Variants in CDCA8 observed in about 807,000 individuals in gnomAD.
CDCA8 encodes cell division cycle associated 8, also known as borealin.
A neutral mutation model predicts 40.0 loss-of-function variants in CDCA8; 25 were observed. The ratio of observed to expected loss-of-function variants is 0.63; its 90% CI spans 0.46 to 0.87. CDCA8 has a LOEUF of 0.87. Ranked by LOEUF, CDCA8 falls within the 40% of genes least tolerant of loss-of-function variation. The probability of loss-of-function intolerance (pLI) is 0.00; values close to 1 mark genes in which losing one functional copy is unlikely to be tolerated. For synonymous variants in CDCA8, 111 were observed against 126.5 expected, an observed-to-expected ratio of 0.88 and a Z score of 0.82; for missense variants, 280 against 348.4, an observed-to-expected ratio of 0.80 and a Z score of 1.56.
chr1:37,706,638 C>T (rs1439238032), intron 8 of CDCA8, among the ~76,000 whole-genome samples: 1 of 152,192 alleles, frequency 6.6e-6, no homozygotes, highest in Non-Finnish European at 1.5e-5. Context: ...CTTTGTATAA[C>T]TTAAGGGATT....
intron 4 of CDCA8, among the ~76,000 whole-genome samples, chr1:37,699,723 TC>T (rs1645550927): frequency 6.6e-6 from 1 of 151,870 alleles, no homozygotes; most frequent in South Asian, 2.1e-4. Context: ...TTCGAGACCA[TC>T]CTGGCTAATA....
chr1:37,702,898 G>A (rs2148289270), intron 6 of CDCA8, among the ~76,000 whole-genome samples: 1 of 149,494 alleles, frequency 6.7e-6, no homozygotes, highest in South Asian at 2.1e-4. Flanking sequence ...GTTGCAGTGA[G>A]CCAAGATTAC....
At chr1:37,699,784 G>A (rs2148287824) in intron 4 of CDCA8, among the ~76,000 whole-genome samples, 1 of 152,224 alleles carries the variant, frequency 6.6e-6, no homozygotes, top group Non-Finnish European at 1.5e-5. Context: ...GCCGGGCGTG[G>A]TGGCGGGCGC....
intron 3 of CDCA8, among the ~76,000 whole-genome samples, chr1:37,697,667 G>A (rs10908369): frequency 0.15 from 22,981 of 152,298 alleles, 1,795 homozygotes; most frequent in Non-Finnish European, 0.17. Flanking sequence ...GCCTTTCTAT[G>A]TGTATCAGTC....
chr1:37,695,588 A>G (rs1229899295), intron 2 of CDCA8, among the ~76,000 whole-genome samples: 1 of 152,042 alleles, frequency 6.6e-6, no homozygotes, highest in East Asian at 1.9e-4. Context: ...TCAAAAATAA[A>G]TAAAATTTAA....
chr1:37,708,795 T>G lies in CDCA8; in HGVS notation c.*429T>G, dbSNP rs1645620270. On this transcript the variant is annotated 3_prime_UTR_variant, in exon 10 of 10. Coordinates refer to ENST00000373055, the MANE Select transcript of CDCA8 (RefSeq NM_001256875.2). Reference sequence around the variant, plus strand: ...ATCTGGCATTTCTGCTCTCTATGCTTGAGACCGGGAGGTTTAGGCTCAGAT... The same window carrying G: ...ATCTGGCATTTCTGCTCTCTATGCTGGAGACCGGGAGGTTTAGGCTCAGAT... The G allele has an allele frequency of 3.9e-6, 1 of 259,444 alleles. No homozygotes were observed. The highest frequency in any genetic ancestry group is 7.6e-6 in the Non-Finnish European group (1 of 130,760). The allele number at this position is 259,444 out of a possible 1,614,324, so 16.1% of individuals were successfully genotyped here.
rs559142416 is a variant in CDCA8 at position 37,708,250 on chromosome 1, G to C, written c.799-72G>C. 3.0e-6 allele frequency: 4 copies of C among 1,355,680 alleles called. No individual in the cohort carries two copies. In the South Asian group the frequency reaches 4.7e-5, roughly 16 times the overall value. 84.0% of individuals were successfully genotyped at this position (1,355,680 alleles called of 1,614,324 possible). A position where few individuals can be genotyped will look rare whatever the true frequency, so the allele number is the denominator to read the frequency against. On this transcript the variant is annotated intron_variant, in intron 9 of 9. Transcript: ENST00000373055. ...GATAGAGAATGGAGGGGCTCAGGCT[G>C]ACTGTGGGAGGCCAAGGGGCAAGCC...
At chr1:37,705,691 C>T in intron 8 of CDCA8, 124 bp downstream of exon 8, 5 of 1,113,642 alleles carry the variant, frequency 4.5e-6, no homozygotes, top group Non-Finnish European at 6.4e-6. Context: ...GATCTCCACA[C>T]TTCTGCGGGA....
chr1:37,695,512 GAGCCCAGGAGAC>G (rs1645521017), intron 2 of CDCA8, among the ~76,000 whole-genome samples: 1 of 151,992 alleles, frequency 6.6e-6, no homozygotes, highest in African/African-American at 2.4e-5. Flanking sequence ...AGGATCAGTT[GAGCCCAGGAGAC>G]AGCCAAGGAG....
chr1:37,702,215 T>C (rs12240167), intron 6 of CDCA8, among the ~76,000 whole-genome samples: 5,544 of 152,000 alleles, frequency 0.036, 277 homozygotes, highest in East Asian at 0.23. Context: ...AATTTTGTAT[T>C]TTTAGTAGAT....
chr1:37,692,774 C>G lies in CDCA8; in HGVS notation c.84C>G (p.Phe28Leu), dbSNP rs776371441. The G allele has an allele frequency of 1.2e-6, 2 of 1,613,520 alleles. No homozygotes were observed. Among genetic ancestry groups the G allele is most frequent in the Non-Finnish European group, 1.7e-6 (2 of 1,179,958 alleles). ...RRKLASFLKD[F>L]DREVEIRIKQ... The stretch of plus-strand genomic sequence containing the variant: ...AGCTCGCCTCCTTTCTGAAAGACTT[C>G]GACCGTGAAGGTAAGGGGCCAGGCC... Residue 28 changes from phenylalanine (F) to leucine (L), a missense_variant, in exon 1 of 10, where the codon TTC becomes TTG. Physicochemically the swap from Phe to Leu is conservative, Grantham distance 22 (BLOSUM62 0). Coordinates refer to ENST00000373055, the MANE Select transcript of CDCA8 (RefSeq NM_001256875.2).
At chr1:37,695,991 G>A (rs777313456) in intron 3 of CDCA8, 41 bp downstream of exon 3, 1 of 1,561,922 alleles carries the variant, frequency 6.4e-7, no homozygotes, top group Admixed American at 1.7e-5. Flanking sequence ...GGTTACTTAA[G>A]TCTAGTCCAG....
At chr1:37,694,547 G>A (rs914884639) in intron 2 of CDCA8, among the ~76,000 whole-genome samples, 1 of 152,220 alleles carries the variant, frequency 6.6e-6, no homozygotes. Context: ...TAAAAGTATA[G>A]GTACTACAAA....
chr1:37,703,260 G>A lies in CDCA8; in HGVS notation c.497G>A (p.Arg166His), dbSNP rs780154830. The change falls in exon 7 of 10, where the codon CGT becomes CAT. Residue 166 changes from arginine (R) to histidine (H), a missense_variant. Coordinates refer to ENST00000373055, the MANE Select transcript of CDCA8 (RefSeq NM_001256875.2). The part of the protein sequence containing the change: ...QGKGKGKRSS[R>H]ANTVTPAVGR... ...CCATTTCTTACCTGTAGGTCAAGCC[G>A]TGCTAACACTGTTACCCCAGCCGTG... 26 of 1,613,220 alleles carry A rather than the reference G, an allele frequency of 1.6e-5. No individual in the cohort carries two copies. The highest frequency in any genetic ancestry group is 6.6e-5 in the South Asian group (6 of 91,046).
intron 2 of CDCA8, among the ~76,000 whole-genome samples, chr1:37,693,551 A>G (rs1413105468): frequency 6.6e-6 from 1 of 151,824 alleles, no homozygotes; most frequent in Non-Finnish European, 1.5e-5. Flanking sequence ...GTCGCCTGCC[A>G]CCATGCCCCG....
At chr1:37,704,949 G>C (rs1305537242) in intron 7 of CDCA8, among the ~76,000 whole-genome samples, 3 of 152,146 alleles carry the variant, frequency 2.0e-5, no homozygotes, top group African/African-American at 7.2e-5. Flanking sequence ...CACTCAGCCA[G>C]TTCCCACTTT....
At chr1:37,698,129 G>A (rs749930979) in intron 3 of CDCA8, among the ~76,000 whole-genome samples, 1 of 152,172 alleles carries the variant, frequency 6.6e-6, no homozygotes, top group African/African-American at 2.4e-5. Context: ...TCGAAAAAAT[G>A]GTAAGCTTGA....
chr1:37,695,021 G>C (rs1311813135), intron 2 of CDCA8, among the ~76,000 whole-genome samples: 1 of 152,104 alleles, frequency 6.6e-6, no homozygotes, highest in African/African-American at 2.4e-5. Flanking sequence ...ATGAGGGTGA[G>C]CAACTAACTC....
intron 2 of CDCA8, among the ~76,000 whole-genome samples, chr1:37,694,952 G>A (rs1478785741): frequency 6.6e-6 from 1 of 152,198 alleles, no homozygotes; most frequent in Admixed American, 6.5e-5. Context: ...TGTCATCTCT[G>A]GAATTCAGTC....
Sources: allele counts gnomAD v4.1 joint callset (sites outside exome capture counted in the v4.1 genomes callset), GRCh38; gene constraint gnomAD v4.1.1; transcripts MANE v1.5; gene names NCBI Gene and HGNC (gene_info 2026-07-23, HGNC 2026-07-21).